Variants in CSMD1 observed in about 807,000 individuals in gnomAD.
CSMD1 encodes the protein CUB and sushi domain-containing protein 1.
In CSMD1, 213 loss-of-function variants were observed where a neutral mutation model predicts 417.5. The observed-to-expected ratio is 0.51, with a 90% CI of 0.46 to 0.57. The LOEUF (loss-of-function observed/expected upper bound fraction) is 0.57, where lower values mean the gene tolerates loss of function less well. CSMD1 is among the 20% of genes least tolerant of loss of function. The pLI, the probability that CSMD1 is intolerant of heterozygous loss-of-function variation, is 0.00. For missense variants in CSMD1, 6,923 were observed against 4,529.7 expected (o/e 1.53, Z -15.17); for synonymous variants, 2,862 against 1,736.8 (o/e 1.65, Z -16.11).
chr8:3,682,465 A>G (rs1182227247), intron 7 of CSMD1, among the ~76,000 whole-genome samples: 1 of 152,222 alleles, frequency 6.6e-6, no homozygotes, highest in Non-Finnish European at 1.5e-5. Context: ...CGGCCATCAG[A>G]GAAATGCAAA....
chr8:4,567,537 G>A (rs1260975354), intron 2 of CSMD1, among the ~76,000 whole-genome samples: 2 of 152,114 alleles, frequency 1.3e-5, no homozygotes, highest in Admixed American at 6.5e-5. Context: ...TGTGAAAACA[G>A]ACCTTTATTT....
chr8:3,767,811 C>T (rs1489620863), intron 5 of CSMD1, among the ~76,000 whole-genome samples: 1 of 152,102 alleles, frequency 6.6e-6, no homozygotes, highest in Admixed American at 6.6e-5. Context: ...GGGCTTCCAC[C>T]AGCACTGCAG....
At chr8:4,695,282 T>C (rs952407989) in intron 1 of CSMD1, among the ~76,000 whole-genome samples, 1 of 152,240 alleles carries the variant, frequency 6.6e-6, no homozygotes, top group African/African-American at 2.4e-5. Context: ...TCTCTGACCC[T>C]GTACAGCCTT....
intron 5 of CSMD1, among the ~76,000 whole-genome samples, chr8:3,848,674 C>G (rs563802087): frequency 2.2e-4 from 34 of 152,160 alleles, no homozygotes; most frequent in African/African-American, 7.7e-4. Context: ...ATTTCAGATC[C>G]TATTATGCTC....
At chr8:4,055,299 G>C (rs1037742358) in intron 3 of CSMD1, among the ~76,000 whole-genome samples, 1 of 152,080 alleles carries the variant, frequency 6.6e-6, no homozygotes, top group South Asian at 2.1e-4. Flanking sequence ...TCTCTAGAAA[G>C]ATTCCAATGT....
chr8:3,544,728 G>C (rs554160876), intron 10 of CSMD1, among the ~76,000 whole-genome samples: 88 of 152,230 alleles, frequency 5.8e-4, no homozygotes, highest in Middle Eastern at 3.4e-3. Flanking sequence ...GGTTCAGGGA[G>C]ACCAGGATGC....
At chr8:4,691,174 G>A (rs1307252622) in intron 1 of CSMD1, among the ~76,000 whole-genome samples, 1 of 152,228 alleles carries the variant, frequency 6.6e-6, no homozygotes, top group East Asian at 1.9e-4. Context: ...ATCAAAGAAT[G>A]TTACCCAAAG....
intron 50 of CSMD1, among the ~76,000 whole-genome samples, chr8:3,044,843 T>G (rs1205761344): frequency 6.6e-6 from 1 of 152,204 alleles, no homozygotes; most frequent in Non-Finnish European, 1.5e-5. Flanking sequence ...TACATATTAC[T>G]GCAATTGCTA....
At chr8:3,244,377 C>G (rs1339574489) in intron 26 of CSMD1, among the ~76,000 whole-genome samples, 1 of 152,160 alleles carries the variant, frequency 6.6e-6, no homozygotes, top group African/African-American at 2.4e-5. Flanking sequence ...AGGACGTGTC[C>G]TCCCCCATTA....
At chr8:3,028,249 C>G (rs1670275236) in intron 51 of CSMD1, among the ~76,000 whole-genome samples, 1 of 152,162 alleles carries the variant, frequency 6.6e-6, no homozygotes, top group Admixed American at 6.5e-5. Context: ...GACTCCTTCT[C>G]CTAATCTCTC....
chr8:3,498,280 G>C (rs773162858), intron 10 of CSMD1, among the ~76,000 whole-genome samples: 2 of 152,132 alleles, frequency 1.3e-5, no homozygotes, highest in Non-Finnish European at 2.9e-5. Context: ...GCTATATCAA[G>C]GTGTGGATAT....
At position 4,802,455 on chromosome 8, in the gene CSMD1, G is replaced by T. The variant is rs1432735229; in HGVS notation, c.86-164897C>A. Among the ~76,000 whole-genome samples, 4 of 151,968 alleles carry T rather than the reference G, an allele frequency of 2.6e-5. No individual in the cohort carries two copies. In the East Asian group the frequency reaches 7.7e-4, roughly 29 times the overall value. Reference sequence around the variant, plus strand: ...TTATCATGTGTGCCATCTCACAGTGGACTTGAAAACAAACCACGAAATCAA... The same window carrying T: ...TTATCATGTGTGCCATCTCACAGTGTACTTGAAAACAAACCACGAAATCAA... On this transcript the variant is annotated intron_variant, in intron 1 of 69. Transcript: ENST00000635120.
chr8:3,534,804 A>G (rs1379481657), intron 10 of CSMD1, among the ~76,000 whole-genome samples: 2 of 152,172 alleles, frequency 1.3e-5, no homozygotes, highest in South Asian at 2.1e-4. Flanking sequence ...AATTTCTCAC[A>G]CAACATTTTC....
intron 5 of CSMD1, among the ~76,000 whole-genome samples, chr8:3,864,886 G>A (rs575742259): frequency 6.6e-6 from 1 of 152,102 alleles, no homozygotes; most frequent in Non-Finnish European, 1.5e-5. Flanking sequence ...TAATTTCTTT[G>A]TATACTTAGT....
chr8:3,293,701 C>T (rs573214598), intron 25 of CSMD1, among the ~76,000 whole-genome samples: 3 of 152,252 alleles, frequency 2.0e-5, no homozygotes, highest in East Asian at 1.9e-4. Flanking sequence ...GACTTCTGTG[C>T]ATTGGTTATT....
intron 1 of CSMD1, among the ~76,000 whole-genome samples, chr8:4,875,040 C>T (rs1488027687): frequency 3.3e-5 from 5 of 151,478 alleles, no homozygotes; most frequent in Non-Finnish European, 7.4e-5. Context: ...CTCTCCCTCT[C>T]TGTCTTTCTT....
chr8:3,914,525 T>G (rs1303633401), intron 5 of CSMD1, among the ~76,000 whole-genome samples: 2 of 152,172 alleles, frequency 1.3e-5, no homozygotes, highest in African/African-American at 4.8e-5. Context: ...TTTTTGTAGC[T>G]CCTAACTAAA....
At chr8:3,874,957 T>C (rs1805716366) in intron 5 of CSMD1, among the ~76,000 whole-genome samples, 1 of 152,058 alleles carries the variant, frequency 6.6e-6, no homozygotes, top group South Asian at 2.1e-4. Flanking sequence ...TCTGAGAGCT[T>C]CTACCATGAA....
At chr8:3,554,111 G>A (rs372009125) in intron 10 of CSMD1, among the ~76,000 whole-genome samples, 26 of 152,332 alleles carry the variant, frequency 1.7e-4, no homozygotes, top group Admixed American at 1.5e-3. Context: ...TGTATTTAAT[G>A]CATGTCTAAG....
Sources: allele counts gnomAD v4.1 joint callset (sites outside exome capture counted in the v4.1 genomes callset), GRCh38; gene constraint gnomAD v4.1.1; transcripts MANE v1.5; gene names NCBI Gene and HGNC (gene_info 2026-07-23, HGNC 2026-07-21).